The following ABCB7 variants were observed in gnomAD, a reference collection of about 807,000 sequenced individuals.
ABCB7 encodes ATP binding cassette subfamily B member 7.
A neutral mutation model predicts 54.4 loss-of-function variants in ABCB7; 7 were observed. The ratio of observed to expected loss-of-function variants is 0.13; its 90% CI spans 0.07 to 0.24. ABCB7 has a LOEUF of 0.24. Ranked by LOEUF, ABCB7 falls within the 10% of genes least tolerant of loss-of-function variation. ABCB7 has a pLI of 1.00. For missense variants in ABCB7, 356 were observed against 570.4 expected, an observed-to-expected ratio of 0.62 and a Z score of 3.83; for synonymous variants, 218 against 207.1, an observed-to-expected ratio of 1.05 and a Z score of -0.45.
intron 1 of ABCB7, among the ~76,000 whole-genome samples, chrX:75,148,452 T>G: frequency 9.1e-6 from 1 of 109,681 alleles, no homozygotes; most frequent in South Asian, 4.0e-4. Flanking sequence ...TATTTGCATA[T>G]ACATACACAC....
intron 14 of ABCB7, among the ~76,000 whole-genome samples, chrX:75,061,080 T>C (rs981120056): frequency 8.9e-6 from 1 of 111,740 alleles, no homozygotes; most frequent in Non-Finnish European, 1.9e-5. Flanking sequence ...CAAGAGCAGA[T>C]GGTTACCCAG....
intron 3 of ABCB7, among the ~76,000 whole-genome samples, chrX:75,109,539 G>A (rs763830238): frequency 1.9e-4 from 21 of 111,441 alleles, no homozygotes; most frequent in South Asian, 1.1e-3. Context: ...TTCCTTAGCC[G>A]ATGAGGAATT....
At chrX:75,113,430 T>C (rs192563254) in intron 2 of ABCB7, among the ~76,000 whole-genome samples, 101 of 112,467 alleles carry the variant, frequency 9.0e-4, no homozygotes, top group Non-Finnish European at 9.4e-4. Context: ...TTTCTTGTTG[T>C]ACTTGCTCAT....
chrX:75,152,551 A>C (rs2082139116), intron 1 of ABCB7, among the ~76,000 whole-genome samples: 2 of 112,602 alleles, frequency 1.8e-5, no homozygotes, highest in African/African-American at 3.2e-5. Context: ...TCTCATATGC[A>C]CATTAAATCC....
intron 4 of ABCB7, among the ~76,000 whole-genome samples, chrX:75,090,328 T>C (rs1474561310): frequency 9.1e-6 from 1 of 109,817 alleles, no homozygotes; most frequent in Non-Finnish European, 1.9e-5. Context: ...TGGAATTAAA[T>C]TAGAAATCAC....
rs1450869121 is a variant in ABCB7, at chrX:75,051,101, C to A, written c.*2269G>T. Among the ~76,000 whole-genome samples the A allele has an allele frequency of 9.7e-6, 1 of 102,611 alleles. No homozygotes were observed. Among genetic ancestry groups the A allele is most frequent in the Non-Finnish European group, 2.0e-5 (1 of 50,686 alleles). The allele number at this position is 102,611 out of a possible 115,157, so 89.1% of individuals were successfully genotyped here. On this transcript the variant is annotated 3_prime_UTR_variant, in exon 16 of 16. Coordinates refer to ENST00000373394, the MANE Select transcript of ABCB7 (RefSeq NM_001271696.3). Reference sequence around the variant, plus strand: ...AGTACTCACCCCACCCCCAGAAGAGCAGTAACAACTATGGTTTCAGAGTAA... The same window carrying A: ...AGTACTCACCCCACCCCCAGAAGAGAAGTAACAACTATGGTTTCAGAGTAA...
intron 1 of ABCB7, among the ~76,000 whole-genome samples, chrX:75,124,088 G>C (rs2081904295): frequency 8.9e-6 from 1 of 112,014 alleles, no homozygotes; most frequent in Admixed American, 9.5e-5. Context: ...TTTGGCCCAA[G>C]AGCCATTGAT....
At chrX:75,133,292 T>A (rs1468577940) in intron 1 of ABCB7, among the ~76,000 whole-genome samples, 1 of 111,834 alleles carries the variant, frequency 8.9e-6, no homozygotes, top group South Asian at 3.7e-4. Context: ...AAGAAATAAT[T>A]TTTTCATGAA....
rs762424184 is a variant in ABCB7 at position 75,083,806 on chromosome X, C to T, written c.454-7152G>A. 1.3e-4 allele frequency among the ~76,000 whole-genome samples: 14 copies of T among 110,333 alleles called. 1 individual carries two copies. The South Asian group carries it at 5.4e-3, about 42-fold the overall frequency. ...AACAGAATAGATTCCAGAAAAACAT[C>T]CCATACATAATCATTATGGTAGAAA... On this transcript the variant is annotated intron_variant, in intron 4 of 15. Coordinates refer to ENST00000373394, the MANE Select transcript of ABCB7 (RefSeq NM_001271696.3).
chrX:75,092,440 T>C (rs1220662375), intron 4 of ABCB7, among the ~76,000 whole-genome samples: 2 of 111,384 alleles, frequency 1.8e-5, no homozygotes, highest in Non-Finnish European at 1.9e-5. Context: ...AAATAGATCA[T>C]AGACCAAAAT....
chrX:75,095,168 C>T (rs760640482), intron 4 of ABCB7, among the ~76,000 whole-genome samples: 1 of 111,566 alleles, frequency 9.0e-6, no homozygotes, highest in South Asian at 3.7e-4. Context: ...ACAATCCTTT[C>T]TTTCTTCTTT....
At chrX:75,056,499 T>C (rs1298918684) in intron 15 of ABCB7, among the ~76,000 whole-genome samples, 1 of 111,762 alleles carries the variant, frequency 8.9e-6, no homozygotes, top group Non-Finnish European at 1.9e-5. Context: ...TCCTTTGTCC[T>C]CATGACTTGT....
chrX:75,120,540 T>C (rs1438369375), intron 1 of ABCB7, among the ~76,000 whole-genome samples: 1 of 110,013 alleles, frequency 9.1e-6, no homozygotes, highest in Non-Finnish European at 1.9e-5. Context: ...ACCTGGGAGG[T>C]GGAGGTTGCC....
intron 15 of ABCB7, among the ~76,000 whole-genome samples, chrX:75,055,007 T>C (rs2081225492): frequency 1.8e-5 from 2 of 112,018 alleles, no homozygotes; most frequent in African/African-American, 6.5e-5. Flanking sequence ...GTTGGACTTT[T>C]TAGATAAATT....
At chrX:75,079,483 G>C (rs1042802246) in intron 4 of ABCB7, among the ~76,000 whole-genome samples, 1 of 110,645 alleles carries the variant, frequency 9.0e-6, no homozygotes, top group African/African-American at 3.3e-5. Context: ...AGGCAAATGA[G>C]AATCTTTAAA....
chrX:75,146,587 T>C (rs566678187), intron 1 of ABCB7, among the ~76,000 whole-genome samples: 1 of 111,702 alleles, frequency 9.0e-6, no homozygotes, highest in African/African-American at 3.2e-5. Context: ...CCTTATTCAA[T>C]AAATGGTGCT....
rs2081198360 is a variant in ABCB7 at position 75,051,884 on chromosome X, G to A, written c.*1486C>T. The A allele has an allele frequency of 1.8e-5, 2 of 112,336 alleles. No homozygotes were observed. 9.3% of individuals were successfully genotyped at this position (112,336 alleles called of 1,213,427 possible). A position where few individuals can be genotyped will look rare whatever the true frequency, so the allele number is the denominator to read the frequency against. ...CTTGTTTCTTTGTAAACTTCGAATA[G>A]AAAAAGCAGCACATTTAAGATGGAA... On this transcript the variant is annotated 3_prime_UTR_variant, in exon 16 of 16. Coordinates refer to ENST00000373394, the MANE Select transcript of ABCB7 (RefSeq NM_001271696.3).
At chrX:75,070,232 C>A in intron 10 of ABCB7, 133 bp downstream of exon 10, 1 of 674,439 alleles carries the variant, frequency 1.5e-6, no homozygotes, top group Non-Finnish European at 2.3e-6. Flanking sequence ...TGATAGCACC[C>A]CCACCCCTGA....
At chrX:75,072,332 A>G (rs960300659) in intron 8 of ABCB7, among the ~76,000 whole-genome samples, 4 of 111,377 alleles carry the variant, frequency 3.6e-5, no homozygotes, top group African/African-American at 9.8e-5. Flanking sequence ...AACAAAAGAG[A>G]TATGTTCTGA....
Sources: allele counts gnomAD v4.1 joint callset (sites outside exome capture counted in the v4.1 genomes callset), GRCh38; gene constraint gnomAD v4.1.1; transcripts MANE v1.5; gene names NCBI Gene and HGNC (gene_info 2026-07-23, HGNC 2026-07-21).